XXYLT1: variants seen among roughly 807,000 people sequenced by gnomAD.
The protein encoded by XXYLT1 is xyloside xylosyltransferase 1, also known as UDP-xylose:alpha-xyloside alpha-1,3-xylosyltransferase.
XXYLT1 carries 20 observed loss-of-function variants against 28.9 expected under a neutral mutation model. The observed-to-expected ratio is 0.69, with a 90% CI of 0.49 to 1.00. The LOEUF (loss-of-function observed/expected upper bound fraction) is 1.00, where lower values mean the gene tolerates loss of function less well. Among genes scored for constraint, XXYLT1 ranks in the 50% least tolerant of loss-of-function variants. The pLI, the probability that XXYLT1 is intolerant of heterozygous loss-of-function variation, is 0.00. For missense variants in XXYLT1, 542 were observed against 560.1 expected (o/e 0.97, Z 0.33); for synonymous variants, 257 against 253.8 (o/e 1.01, Z -0.12).
At chr3:195,113,033 T>C (rs1272202004) in intron 3 of XXYLT1, among the ~76,000 whole-genome samples, 1 of 152,252 alleles carries the variant, frequency 6.6e-6, no homozygotes, top group Non-Finnish European at 1.5e-5. Context: ...GCTGTTGCTC[T>C]TCTTTGAGCT....
At chr3:195,220,956 C>T (rs941017465) in intron 2 of XXYLT1, among the ~76,000 whole-genome samples, 6 of 152,104 alleles carry the variant, frequency 3.9e-5, no homozygotes, top group Non-Finnish European at 8.8e-5. Flanking sequence ...CTGACAAACA[C>T]GACTTCAGCC....
At position 195,070,091 on chromosome 3, in the gene XXYLT1, C is replaced by A; in HGVS notation, c.806G>T (p.Arg269Leu). The change falls in exon 4 of 4, where the codon CGC (arginine) becomes CTC (leucine). Residue 269 changes from arginine (R) to leucine (L), a missense_variant. Transcript: ENST00000310380. ...AACCCGGGTCTGGGGGTTCTCATGG[C>A]GGAACTGCCAGAATGTGTGCCTGTG... is the stretch of plus-strand genomic sequence containing the variant. ...PVYRHTFWQF[R>L]HENPQTRVGG... The A allele has an allele frequency of 6.3e-7, 1 of 1,575,810 alleles. No homozygotes were observed. Among genetic ancestry groups the A allele is most frequent in the South Asian group, 1.1e-5 (1 of 86,980 alleles).
intron 2 of XXYLT1, among the ~76,000 whole-genome samples, chr3:195,186,199 C>T (rs1009120450): frequency 3.3e-5 from 5 of 152,234 alleles, no homozygotes; most frequent in African/African-American, 1.2e-4. Context: ...AACCCAACAA[C>T]TGGAACTCTT....
intron 2 of XXYLT1, among the ~76,000 whole-genome samples, chr3:195,189,947 G>A (rs1722349212): frequency 6.6e-6 from 1 of 152,122 alleles, no homozygotes; most frequent in African/African-American, 2.4e-5. Flanking sequence ...AAAAAGTCTT[G>A]AAAGCAGCAA....
At chr3:195,235,201 GCT>G in intron 1 of XXYLT1, among the ~76,000 whole-genome samples, 1 of 152,036 alleles carries the variant, frequency 6.6e-6, no homozygotes, top group Middle Eastern at 3.4e-3. Flanking sequence ...TGCCTCCCAG[GCT>G]CAAGCCATCC....
At chr3:195,087,036 G>C (rs1371671833) in intron 3 of XXYLT1, among the ~76,000 whole-genome samples, 2 of 152,150 alleles carry the variant, frequency 1.3e-5, no homozygotes, top group African/African-American at 4.8e-5. Context: ...GCAGCACTGT[G>C]GTCACCTCCT....
At position 195,174,416 on chromosome 3, in the gene XXYLT1, G is replaced by A. The variant is rs555753791; in HGVS notation, c.653-17835C>T. ...TGCAGTGGCACAATCACAGCTCACT[G>A]CAGCCTTGATTTCCCGGGCTCAAGT... On this transcript the variant is annotated intron_variant, in intron 2 of 3. Transcript: ENST00000310380. Among the ~76,000 whole-genome samples the A allele has an allele frequency of 3.3e-5, 5 of 152,170 alleles. No homozygotes were observed. In the South Asian group the frequency reaches 1.0e-3, roughly 32 times the overall value.
At chr3:195,243,168 C>G (rs147215398) in intron 1 of XXYLT1, among the ~76,000 whole-genome samples, 2 of 151,942 alleles carry the variant, frequency 1.3e-5, no homozygotes, top group Non-Finnish European at 2.9e-5. Flanking sequence ...AATGAGAACA[C>G]TTGGACACAG....
intron 1 of XXYLT1, among the ~76,000 whole-genome samples, chr3:195,251,176 C>T (rs1476368624): frequency 6.6e-6 from 1 of 152,208 alleles, no homozygotes; most frequent in Non-Finnish European, 1.5e-5. Flanking sequence ...GCGGGCAGGT[C>T]CCCCACCTCC....
chr3:195,119,053 G>A (rs1317822801), intron 3 of XXYLT1, among the ~76,000 whole-genome samples: 1 of 152,072 alleles, frequency 6.6e-6, no homozygotes, highest in African/African-American at 2.4e-5. Flanking sequence ...CAGGGCGGGT[G>A]GATCACGAGG....
chr3:195,229,103 C>T (rs764147032), intron 1 of XXYLT1, among the ~76,000 whole-genome samples: 25 of 152,274 alleles, frequency 1.6e-4, no homozygotes, highest in Admixed American at 1.6e-3. Context: ...TGAGCCACCG[C>T]GCCCGGCCTG....
At position 195,270,794 on chromosome 3, in the gene XXYLT1, A is replaced by C. The variant is rs778893083; in HGVS notation, c.265T>G (p.Leu89Val). Reference protein sequence around the residue: ...APAPGAKAKSLEGGGAGPVDY... With the variant: ...APAPGAKAKSVEGGGAGPVDY... Reference sequence around the variant, plus strand: ...ACCGGCCCGGCACCGCCGCCCTCCAAGCTCTTGGCCTTCGCGCCGGGGGCT... The same window carrying C: ...ACCGGCCCGGCACCGCCGCCCTCCACGCTCTTGGCCTTCGCGCCGGGGGCT... The change falls in exon 1 of 4, where the codon TTG becomes GTG. Residue 89 changes from leucine to valine, a missense_variant. Leu to Val is a conservative substitution (Grantham distance 32). Coordinates refer to ENST00000310380, the MANE Select transcript of XXYLT1 (RefSeq NM_152531.5). 2 of 1,557,960 alleles carry C rather than the reference A, an allele frequency of 1.3e-6. No individual in the cohort carries two copies. The highest frequency in any genetic ancestry group is 2.3e-5 in the South Asian group (2 of 85,262).
intron 1 of XXYLT1, among the ~76,000 whole-genome samples, chr3:195,253,662 C>G (rs1374677835): frequency 1.3e-5 from 2 of 151,978 alleles, no homozygotes; most frequent in African/African-American, 4.8e-5. Context: ...CCACGCCTGG[C>G]CAATTTTTGT....
intron 2 of XXYLT1, among the ~76,000 whole-genome samples, chr3:195,205,496 A>G (rs1286949578): frequency 1.3e-5 from 2 of 152,152 alleles, no homozygotes; most frequent in Non-Finnish European, 2.9e-5. Context: ...GGGTCAGAGG[A>G]GGTGGGTGTG....
At chr3:195,118,362 GAGCCCCA>G (rs1311035396) in intron 3 of XXYLT1, among the ~76,000 whole-genome samples, 7 of 152,194 alleles carry the variant, frequency 4.6e-5, no homozygotes, top group Non-Finnish European at 8.8e-5. Context: ...ATTTCCTTAG[GAGCCCCA>G]TGGCCCGTGG....
At chr3:195,130,335 G>T (rs1381765163) in intron 3 of XXYLT1, among the ~76,000 whole-genome samples, 2 of 152,236 alleles carry the variant, frequency 1.3e-5, no homozygotes, top group African/African-American at 2.4e-5. Flanking sequence ...TCTGAATGCA[G>T]CCTGCTGTCT....
chr3:195,166,543 G>T (rs1426414569), intron 2 of XXYLT1, among the ~76,000 whole-genome samples: 1 of 152,182 alleles, frequency 6.6e-6, no homozygotes, highest in Non-Finnish European at 1.5e-5. Context: ...AAATGTGTCA[G>T]TTGTCCAAAA....
At chr3:195,134,399 T>TA (rs1369067105) in intron 3 of XXYLT1, 1 of 152,380 alleles carries the variant, frequency 6.6e-6, no homozygotes, top group Non-Finnish European at 1.5e-5. Context: ...TTTCATGTTT[T>TA]ACTCTTTCTA....
rs1350849060 is a variant in XXYLT1 at position 195,255,543 on chromosome 3, T to C, written c.504+15012A>G. On this transcript the variant is annotated intron_variant, in intron 1 of 3. Transcript: ENST00000310380. The surrounding 1 kb of genome is among the most constrained non-coding windows in gnomAD (Gnocchi z 4.5). ...TCATTGTCCACAAAACACAGACGAC[T>C]GCAGGGAGTCACAAGTGGGTGAGAT... Among the ~76,000 whole-genome samples, 1 of 151,754 alleles carries C rather than the reference T, an allele frequency of 6.6e-6. No homozygotes were observed. Among genetic ancestry groups the C allele is most frequent in the Admixed American group, 6.6e-5 (1 of 15,246 alleles).
Sources: allele counts gnomAD v4.1 joint callset (sites outside exome capture counted in the v4.1 genomes callset), GRCh38; gene constraint gnomAD v4.1.1; non-coding constraint Gnocchi (gnomAD v3.1); transcripts MANE v1.5; gene names NCBI Gene and HGNC (gene_info 2026-07-23, HGNC 2026-07-21).